Variants in C10orf90 observed in about 807,000 individuals in gnomAD.
C10orf90 encodes chromosome 10 open reading frame 90.
C10orf90 carries 56 observed loss-of-function variants against 62.5 expected under a neutral mutation model. That is an observed-to-expected ratio of 0.90 (90% confidence interval 0.72 to 1.12). The LOEUF (loss-of-function observed/expected upper bound fraction) is 1.12, where lower values mean the gene tolerates loss of function less well. Among genes scored for constraint, C10orf90 ranks in the 50% most tolerant of loss-of-function variants. The pLI, the probability that C10orf90 is intolerant of heterozygous loss-of-function variation, is 0.00. For missense variants in C10orf90, 970 were observed against 880.4 expected, an observed-to-expected ratio of 1.10 and a Z score of -1.29; for synonymous variants, 386 against 340.4, an observed-to-expected ratio of 1.13 and a Z score of -1.47.
At chr10:126,589,911 T>C (rs1295596040) in intron 2 of C10orf90, among the ~76,000 whole-genome samples, 4 of 151,882 alleles carry the variant, frequency 2.6e-5, no homozygotes, top group Admixed American at 6.6e-5. Context: ...AATGGCAAGA[T>C]TGATCATAAC....
At chr10:126,523,018 C>T (rs1459049057) in intron 2 of C10orf90, 1 of 152,110 alleles carries the variant, frequency 6.6e-6, no homozygotes. Flanking sequence ...ATGGAACGCT[C>T]CCTCAAAAAA....
chr10:126,588,156 G>A (rs555202955), intron 2 of C10orf90, among the ~76,000 whole-genome samples: 7 of 152,316 alleles, frequency 4.6e-5, no homozygotes, highest in South Asian at 2.1e-4. Flanking sequence ...CTAGCCTGCC[G>A]GCTCTGGGGA....
chr10:126,483,076 G>C (rs892156935), intron 4 of C10orf90, among the ~76,000 whole-genome samples: 1 of 152,224 alleles, frequency 6.6e-6, no homozygotes, highest in African/African-American at 2.4e-5. Context: ...GACAGTTATA[G>C]TGTGTGAATT....
chr10:126,484,583 A>G (rs2133813878), intron 4 of C10orf90, among the ~76,000 whole-genome samples: 1 of 152,334 alleles, frequency 6.6e-6, no homozygotes, highest in South Asian at 2.1e-4. Context: ...TAGAGAGACT[A>G]GAGGGAGGCA....
At position 126,499,209 on chromosome 10, in the gene C10orf90, C is replaced by T. The variant is rs576690881; in HGVS notation, c.1534+4748G>A. ...CCTGCTGTGCCCTTCTCAGTGACAG[C>T]CCCAGACAGAACAGTTAAGATGGTG... On this transcript the variant is annotated intron_variant, in intron 4 of 9. Coordinates refer to ENST00000488181, the MANE Select transcript of C10orf90 (RefSeq NM_001350921.2). 3.3e-4 allele frequency among the ~76,000 whole-genome samples: 50 copies of T among 152,262 alleles called. 1 individual carries two copies. The South Asian group carries it at 5.8e-3, about 18-fold the overall frequency.
intron 2 of C10orf90, among the ~76,000 whole-genome samples, chr10:126,638,860 C>T (rs974352179): frequency 6.6e-6 from 1 of 152,194 alleles, no homozygotes; most frequent in Non-Finnish European, 1.5e-5. Context: ...GCGTATGTGG[C>T]TAATAAACAG....
At chr10:126,534,112 G>A (rs1864172528) in intron 2 of C10orf90, among the ~76,000 whole-genome samples, 1 of 152,236 alleles carries the variant, frequency 6.6e-6, no homozygotes, top group African/African-American at 2.4e-5. Context: ...GGAACTGCCA[G>A]CCCTTCAGGC....
chr10:126,535,422 T>A (rs996522698), intron 2 of C10orf90, among the ~76,000 whole-genome samples: 2 of 150,446 alleles, frequency 1.3e-5, no homozygotes, highest in Non-Finnish European at 1.5e-5. Flanking sequence ...GAGGCTGAGG[T>A]AGGAGAGTGG....
chr10:126,473,770 G>A (rs577781492), intron 4 of C10orf90, among the ~76,000 whole-genome samples: 10 of 152,110 alleles, frequency 6.6e-5, no homozygotes, highest in East Asian at 5.8e-4. Flanking sequence ...AGACAGATGC[G>A]TGGTAGCATA....
chr10:126,658,924 T>C (rs1846450834), intron 1 of C10orf90, among the ~76,000 whole-genome samples: 1 of 152,156 alleles, frequency 6.6e-6, no homozygotes, highest in African/African-American at 2.4e-5. Context: ...GGGAATCAGA[T>C]TTTCATTTCG....
intron 2 of C10orf90, among the ~76,000 whole-genome samples, chr10:126,612,552 C>T (rs1301801389): frequency 6.6e-6 from 1 of 152,178 alleles, no homozygotes; most frequent in African/African-American, 2.4e-5. Flanking sequence ...CCCATTTTGC[C>T]AGCCATCTGA....
intron 4 of C10orf90, among the ~76,000 whole-genome samples, chr10:126,472,964 G>A (rs987990585): frequency 2.0e-5 from 3 of 152,108 alleles, no homozygotes; most frequent in Non-Finnish European, 4.4e-5. Context: ...AAGTTTTTTT[G>A]TGGGTTTCTC....
chr10:126,480,717 T>C (rs1000210778), intron 4 of C10orf90, among the ~76,000 whole-genome samples: 1 of 152,242 alleles, frequency 6.6e-6, no homozygotes, highest in Non-Finnish European at 1.5e-5. Context: ...CAACCCCTGC[T>C]TCCCTATGTT....
At chr10:126,519,492 A>G (rs1440410932) in intron 2 of C10orf90, among the ~76,000 whole-genome samples, 1 of 152,088 alleles carries the variant, frequency 6.6e-6, no homozygotes, top group African/African-American at 2.4e-5. Flanking sequence ...TCCTACCTAC[A>G]TCATTAGTGT....
Position 126,504,731 on chromosome 10 carries a change from C to G in C10orf90, c.760G>C (p.Gly254Arg), listed in dbSNP as rs1213667088. The change falls in exon 4 of 10, where the codon GGG (glycine) becomes CGG (arginine). Residue 254 changes from glycine (G) to arginine (R), a missense_variant. By Grantham distance (125) the Gly-to-Arg change is moderately radical (BLOSUM62 -2). Transcript: ENST00000488181. This position sits in a 1 kb window ranked among gnomAD's most constrained non-coding sequence, Gnocchi z 4.1. ...VGPPARALVW[G>R]TAGDSLCPKC... ...GGGCACAGAGAGTCCCCAGCAGTCC[C>G]CCACACCAGGGCGCGGGCTGGGGGG... 2 of 1,602,840 alleles carry G rather than the reference C, an allele frequency of 1.2e-6. No individual in the cohort carries two copies. Among genetic ancestry groups the G allele is most frequent in the Non-Finnish European group, 1.7e-6 (2 of 1,173,422 alleles).
intron 2 of C10orf90, among the ~76,000 whole-genome samples, chr10:126,572,325 C>T (rs1037102317): frequency 6.6e-6 from 1 of 152,048 alleles, no homozygotes; most frequent in Non-Finnish European, 1.5e-5. Context: ...TTGCATCTTG[C>T]GCAAGTAAGA....
intron 2 of C10orf90, among the ~76,000 whole-genome samples, chr10:126,604,015 TA>T (rs1267866957): frequency 6.6e-6 from 1 of 152,146 alleles, no homozygotes; most frequent in East Asian, 1.9e-4. Flanking sequence ...GAGTTGAAAT[TA>T]GGTGGGACAA....
At chr10:126,460,192 C>G (rs1416254997) in intron 6 of C10orf90, among the ~76,000 whole-genome samples, 1 of 152,160 alleles carries the variant, frequency 6.6e-6, no homozygotes, top group Non-Finnish European at 1.5e-5. Flanking sequence ...GTTGAAATGC[C>G]CTGTTGAGCC....
In C10orf90 at chr10:126,492,118, T is replaced by C. The variant is rs1295548638; in HGVS notation, c.1534+11839A>G. Reference sequence around the variant, plus strand: ...ACTGATAGAATCTGAATAAAGTCTGTAGTTTAGATAACAGTAGTGTACCAA... The same window carrying C: ...ACTGATAGAATCTGAATAAAGTCTGCAGTTTAGATAACAGTAGTGTACCAA... On this transcript the variant is annotated intron_variant, in intron 4 of 9. Coordinates refer to ENST00000488181, the MANE Select transcript of C10orf90 (RefSeq NM_001350921.2). 2.0e-4 allele frequency among the ~76,000 whole-genome samples: 30 copies of C among 152,240 alleles called. 1 individual carries two copies. The highest frequency in any genetic ancestry group is 2.0e-3 in the Admixed American group (30 of 15,292).
Sources: gnomAD v4.1 joint callset for allele counts (sites outside exome capture counted in the v4.1 genomes callset) on GRCh38, gnomAD v4.1.1 for gene constraint, Gnocchi (gnomAD v3.1) non-coding constraint, MANE v1.5 for transcripts, NCBI Gene and HGNC (gene_info 2026-07-23, HGNC 2026-07-21) for gene names.